The following PLXDC2 variants were observed in gnomAD, a reference collection of about 807,000 sequenced individuals.
PLXDC2 encodes the protein plexin domain containing 2, also known as plexin domain-containing protein 2.
A neutral mutation model predicts 68.9 loss-of-function variants in PLXDC2; 40 were observed. That is an observed-to-expected ratio of 0.58 (90% CI 0.45 to 0.76). PLXDC2 has a LOEUF of 0.76. Ranked by LOEUF, PLXDC2 falls within the 30% of genes least tolerant of loss-of-function variation. The pLI is 0.00. For missense variants in PLXDC2, 644 were observed against 661.9 expected, an observed-to-expected ratio of 0.97 and a Z score of 0.30; for synonymous variants, 243 against 234.2, an observed-to-expected ratio of 1.04 and a Z score of -0.34.
Position 20,047,030 on chromosome 10 carries a change from A to T in PLXDC2, c.471+15A>T, listed in dbSNP as rs1835809742. On this transcript the variant is annotated intron_variant, in intron 3 of 13. Coordinates refer to ENST00000377252, the MANE Select transcript of PLXDC2 (RefSeq NM_032812.9). ...GGCAAGCTGCAGTAAGTGTTTGGAC[A>T]TTCAGGGTTCATTTTACCTACTGTG... is the stretch of plus-strand genomic sequence containing the variant. 6.4e-7 allele frequency: 1 copy of T among 1,572,486 alleles called. No homozygotes were observed. The highest frequency in any genetic ancestry group is 8.6e-7 in the Non-Finnish European group (1 of 1,159,972).
chr10:20,259,331 C>CA (rs1444620096), intron 13 of PLXDC2, among the ~76,000 whole-genome samples: 8 of 151,910 alleles, frequency 5.3e-5, no homozygotes, highest in Non-Finnish European at 1.2e-4. Flanking sequence ...ACAGTAAATG[C>CA]AAAAAGAGTC....
At chr10:20,219,228 G>T in intron 12 of PLXDC2, 126 bp downstream of exon 12, 1 of 983,818 alleles carries the variant, frequency 1.0e-6, no homozygotes, top group Non-Finnish European at 1.4e-6. Context: ...TCTCCGTTGG[G>T]ATTTAACATG....
At chr10:20,163,962 C>A (rs1371046477) in intron 6 of PLXDC2, among the ~76,000 whole-genome samples, 2 of 152,106 alleles carry the variant, frequency 1.3e-5, no homozygotes, top group Non-Finnish European at 2.9e-5. Flanking sequence ...TATTAATCAA[C>A]AATGATATTG....
intron 1 of PLXDC2, among the ~76,000 whole-genome samples, chr10:19,850,541 C>T (rs777606247): frequency 2.6e-5 from 4 of 152,140 alleles, no homozygotes; most frequent in East Asian, 1.9e-4. Context: ...ATCTCATGAA[C>T]GTTTCATCAC....
intron 9 of PLXDC2, among the ~76,000 whole-genome samples, chr10:20,184,495 A>G (rs572606580): frequency 6.6e-6 from 1 of 151,672 alleles, no homozygotes; most frequent in Admixed American, 6.6e-5. Flanking sequence ...AATGTTGGCT[A>G]ATTGGTTAAT....
intron 1 of PLXDC2, among the ~76,000 whole-genome samples, chr10:19,987,528 T>C (rs1834661073): frequency 6.6e-6 from 1 of 151,524 alleles, no homozygotes; most frequent in East Asian, 2.0e-4. Context: ...TCTAGGTTGA[T>C]TCTTTGAGTG....
chr10:19,853,169 A>G (rs908940421), intron 1 of PLXDC2, among the ~76,000 whole-genome samples: 1 of 152,214 alleles, frequency 6.6e-6, no homozygotes, highest in African/African-American at 2.4e-5. Context: ...GGAACCATTT[A>G]TTATCTGAAA....
chr10:20,014,382 G>C (rs10827925), intron 2 of PLXDC2, among the ~76,000 whole-genome samples: 1,444 of 78,724 alleles, frequency 0.018, 2 homozygotes, highest in Middle Eastern at 0.051. Flanking sequence ...TTCCTTCCTT[G>C]CTTCCTTCCT....
chr10:19,903,852 C>A (rs1838200095), intron 1 of PLXDC2, among the ~76,000 whole-genome samples: 1 of 151,958 alleles, frequency 6.6e-6, no homozygotes, highest in African/African-American at 2.4e-5. Flanking sequence ...ACTGCTTTTT[C>A]TGTATCTCAG....
At chr10:20,178,630 C>G (rs1335152094) in intron 9 of PLXDC2, among the ~76,000 whole-genome samples, 3 of 152,056 alleles carry the variant, frequency 2.0e-5, no homozygotes, top group African/African-American at 7.2e-5. Flanking sequence ...ATAGCATTTG[C>G]TGTAACGATA....
chr10:20,160,275 A>T (rs1031784225), intron 6 of PLXDC2, among the ~76,000 whole-genome samples: 3 of 152,146 alleles, frequency 2.0e-5, no homozygotes, highest in African/African-American at 7.2e-5. Context: ...TAGTAGAGTT[A>T]TATGGTAGTG....
In PLXDC2 at chr10:20,001,769, A is replaced by G; in HGVS notation, c.113-6A>G. On this transcript the variant is annotated splice_region_variant and splice_polypyrimidine_tract_variant and intron_variant, in intron 1 of 13. Transcript: ENST00000377252. ...TGGTAACCCATTTTCTTTCTTTTTC[A>G]AACAGATTGGCAGTATGGAGTTACT... 6.2e-7 allele frequency: 1 copy of G among 1,613,530 alleles called. No individual in the cohort carries two copies. Among genetic ancestry groups the G allele is most frequent in the South Asian group, 1.1e-5 (1 of 91,062 alleles).
chr10:20,190,730 TG>T lies in PLXDC2; in HGVS notation c.1061+13322del, dbSNP rs1405258662. Among the ~76,000 whole-genome samples, 3 of 151,866 alleles carry T rather than the reference TG, an allele frequency of 2.0e-5. No homozygotes were observed. In the East Asian group the frequency reaches 5.8e-4, roughly 29 times the overall value. The stretch of plus-strand genomic sequence containing the variant: ...AAAAGTAATTTATGGTTTGATTATT[TG>T]TTTTGTGGGGAATCTAATGTTAAAA... On this transcript the variant is annotated intron_variant, in intron 9 of 13. Coordinates refer to ENST00000377252, the MANE Select transcript of PLXDC2 (RefSeq NM_032812.9).
chr10:20,179,079 A>G (rs1397407963), intron 9 of PLXDC2, among the ~76,000 whole-genome samples: 2 of 152,132 alleles, frequency 1.3e-5, no homozygotes, highest in Non-Finnish European at 2.9e-5. Flanking sequence ...TAATATGTAT[A>G]TTTAAGGAAC....
intron 1 of PLXDC2, among the ~76,000 whole-genome samples, chr10:19,987,727 AT>A (rs1278381607): frequency 9.6e-4 from 141 of 146,498 alleles, no homozygotes; most frequent in African/African-American, 2.5e-3. Context: ...ACCCCCGGCT[AT>A]TTTTTTTTTG....
chr10:19,921,112 C>T (rs1589536971), intron 1 of PLXDC2, among the ~76,000 whole-genome samples: 4 of 137,556 alleles, frequency 2.9e-5, no homozygotes, highest in African/African-American at 7.9e-5. Context: ...TTTTCTTCTT[C>T]TTTTTTTTTT....
chr10:19,871,792 A>C (rs1047400158), intron 1 of PLXDC2, among the ~76,000 whole-genome samples: 1 of 151,696 alleles, frequency 6.6e-6, no homozygotes, highest in African/African-American at 2.4e-5. Context: ...AGGCTGAGGC[A>C]GGAGAATCAC....
intron 1 of PLXDC2, among the ~76,000 whole-genome samples, chr10:19,885,915 A>T (rs1207464009): frequency 6.6e-6 from 1 of 151,884 alleles, no homozygotes; most frequent in Non-Finnish European, 1.5e-5. Context: ...CTTGATGGGG[A>T]TGGCATTGAA....
intron 1 of PLXDC2, among the ~76,000 whole-genome samples, chr10:19,840,561 G>A (rs1411930954): frequency 6.6e-6 from 1 of 152,098 alleles, no homozygotes; most frequent in Non-Finnish European, 1.5e-5. Context: ...ACATTGAATA[G>A]TAAGCTTTGG....
Sources: allele counts gnomAD v4.1 joint callset (sites outside exome capture counted in the v4.1 genomes callset), GRCh38; gene constraint gnomAD v4.1.1; transcripts MANE v1.5; gene names NCBI Gene and HGNC (gene_info 2026-07-23, HGNC 2026-07-21).